Variants in MRPS10 observed in about 807,000 individuals in gnomAD.
The protein encoded by MRPS10 is small ribosomal subunit protein uS10m.
In MRPS10, 23 loss-of-function variants were observed where a neutral mutation model predicts 27.5. That is an observed-to-expected ratio of 0.84 (90% confidence interval 0.60 to 1.18). The LOEUF (loss-of-function observed/expected upper bound fraction) is 1.18, where lower values mean the gene tolerates loss of function less well. Ranked by LOEUF, MRPS10 falls within the 50% of genes most tolerant of loss-of-function variation. The pLI is 0.00. For missense variants in MRPS10, 237 were observed against 240.1 expected (o/e 0.99, Z 0.09); for synonymous variants, 88 against 84.2 (o/e 1.04, Z -0.25).
chr6:42,208,788 T>C (rs1768684673), intron 6 of MRPS10, 70 bp downstream of exon 6: 1 of 1,050,768 alleles, frequency 9.5e-7, no homozygotes, highest in Admixed American at 2.1e-5. Flanking sequence ...CAGGCTGCAA[T>C]GTATCAAAAC....
intron 1 of MRPS10, among the ~76,000 whole-genome samples, chr6:42,216,023 TTTC>T (rs1346201452): frequency 9.3e-4 from 20 of 21,508 alleles, no homozygotes; most frequent in African/African-American, 1.5e-3. Flanking sequence ...TTTTTTTTCT[TTTC>T]TTTTTTTTTT....
chr6:42,216,822 C>T (rs1034733039), intron 1 of MRPS10, among the ~76,000 whole-genome samples: 1 of 152,028 alleles, frequency 6.6e-6, no homozygotes, highest in East Asian at 1.9e-4. Context: ...CAAACAAAAA[C>T]AAAAACAAAA....
chr6:42,209,929 A>G (rs1768729378), intron 5 of MRPS10, among the ~76,000 whole-genome samples: 1 of 152,164 alleles, frequency 6.6e-6, no homozygotes. Context: ...TTTCCATTCT[A>G]ATCCTCACAC....
At chr6:42,211,961 T>C (rs759939273) in intron 3 of MRPS10, 44 bp from the exon 4 acceptor site, 1 of 1,568,072 alleles carries the variant, frequency 6.4e-7, no homozygotes, top group African/African-American at 1.4e-5. Context: ...CCTCTTCTAT[T>C]TCTAACTAGC....
At position 42,208,299 on chromosome 6, in the gene MRPS10, C is replaced by G; in HGVS notation, c.596G>C (p.Ser199Thr). 1.9e-6 allele frequency: 3 copies of G among 1,612,230 alleles called. No individual in the cohort carries two copies. The highest frequency in any genetic ancestry group is 2.5e-6 in the Non-Finnish European group (3 of 1,179,100). ...GGCCTCCCTGAGGCTTTATGACTTG[C>G]TTTCTTCTTTTTCTTCTGATAGTGT... is the stretch of plus-strand genomic sequence containing the variant. ...WETLSEEKEE[S>T]KS Residue 199 changes from serine to threonine, a missense_variant, in exon 7 of 7, where the codon AGC becomes ACC. Physicochemically the swap from Ser to Thr is moderately conservative, Grantham distance 58 (BLOSUM62 1). Coordinates refer to ENST00000053468, the MANE Select transcript of MRPS10 (RefSeq NM_018141.4).
chr6:42,215,900 T>G (rs1473624435), intron 1 of MRPS10, among the ~76,000 whole-genome samples: 1 of 151,910 alleles, frequency 6.6e-6, no homozygotes, highest in Non-Finnish European at 1.5e-5. Context: ...CATAGAAAAT[T>G]CCCTCCCAAC....
rs763994848 is a variant in MRPS10 at position 42,216,383 on chromosome 6, A to AGTGTGTGTGTGTGTGTGTGT, written c.48+1418_48+1419insACACACACACACACACACAC. ...TTGAGAGAGAGAGAGAGAGAGAGAG[A>AGTGTGTGTGTGTGTGTGTGT]GAGTGTGTGTGTGTGTGTGTGTGTG... On this transcript the variant is annotated intron_variant, in intron 1 of 6. Transcript: ENST00000053468. Among the ~76,000 whole-genome samples, 45 of 46,152 alleles carry AGTGTGTGTGTGTGTGTGTGT rather than the reference A, an allele frequency of 9.8e-4. 1 individual carries two copies. The highest frequency in any genetic ancestry group is 1.6e-3 in the Non-Finnish European group (30 of 18,310). The allele number at this position is 46,152 out of a possible 152,430, so 30.3% of individuals were successfully genotyped here.
chr6:42,212,417 G>A (rs1268758334), intron 3 of MRPS10, among the ~76,000 whole-genome samples: 2 of 152,114 alleles, frequency 1.3e-5, no homozygotes, highest in Non-Finnish European at 2.9e-5. Flanking sequence ...AGATTAAAGT[G>A]CTTATTAATT....
chr6:42,210,694 A>T, intron 4 of MRPS10, 98 bp from the exon 5 acceptor site: 1 of 1,474,364 alleles, frequency 6.8e-7, no homozygotes, highest in South Asian at 1.3e-5. Flanking sequence ...ATAGGCATTA[A>T]CTACCATTTA....
At chr6:42,215,656 G>T (rs149562497) in intron 1 of MRPS10, among the ~76,000 whole-genome samples, 2 of 151,966 alleles carry the variant, frequency 1.3e-5, no homozygotes, top group Non-Finnish European at 2.9e-5. Context: ...TGAACTCGTG[G>T]GCTCAAGCGA....
In MRPS10 at chr6:42,211,843, T is replaced by C. The variant is rs1768787687; in HGVS notation, c.261A>G (p.Val87=). ...SVLVKGHDKA[V]LDSYEYFAVL... ...CAGCAAAATATTCATAACTGTCCAA[T>C]ACAGCCTTATCGTGACCTTTCACCA... Residue 87 remains valine (V), a synonymous_variant, in exon 4 of 7, where the codon GTA becomes GTG. Coordinates refer to ENST00000053468, the MANE Select transcript of MRPS10 (RefSeq NM_018141.4). 2 of 1,614,086 alleles carry C rather than the reference T, an allele frequency of 1.2e-6. No homozygotes were observed. The highest frequency in any genetic ancestry group is 2.2e-5 in the East Asian group (1 of 44,882).
intron 4 of MRPS10, 76 bp from the exon 5 acceptor site, chr6:42,210,672 TCA>T: frequency 6.4e-7 from 1 of 1,557,848 alleles, no homozygotes; most frequent in Non-Finnish European, 8.7e-7. Flanking sequence ...TAGGTCAGAC[TCA>T]CACTCAATTA....
intron 1 of MRPS10, 124 bp from the exon 2 acceptor site, chr6:42,214,468 T>G: frequency 1.7e-6 from 1 of 577,828 alleles, no homozygotes; most frequent in Non-Finnish European, 2.8e-6. Context: ...GTAACTAAAA[T>G]GGCCAAATTA....
chr6:42,209,002 T>TG lies in MRPS10; in HGVS notation c.433-56_433-55insC, dbSNP rs1768694344. 5.0e-5 allele frequency: 59 copies of TG among 1,169,654 alleles called. 1 individual carries two copies. The South Asian group carries it at 7.8e-4, about 15-fold the overall frequency. 72.5% of individuals were successfully genotyped at this position (1,169,654 alleles called of 1,614,324 possible). On this transcript the variant is annotated intron_variant, in intron 5 of 6. Transcript: ENST00000053468. ...GTAAGCTGTTTGTTAAAGCACGGTT[T>TG]TTTGTTTTTTTTTTTGAGATGGAGT...
intron 6 of MRPS10, 151 bp downstream of exon 6, chr6:42,208,707 C>T: frequency 1.6e-6 from 1 of 616,290 alleles, no homozygotes; most frequent in Non-Finnish European, 2.8e-6. Context: ...TGGGTAGCCC[C>T]CAACCGCTGT....
chr6:42,213,808 T>A (rs1768846471), intron 3 of MRPS10, among the ~76,000 whole-genome samples: 1 of 152,190 alleles, frequency 6.6e-6, no homozygotes, highest in South Asian at 2.1e-4. Flanking sequence ...AAAATACTTT[T>A]CCATAACATA....
chr6:42,208,446 T>G (rs1383411465), intron 6 of MRPS10, 74 bp from the exon 7 acceptor site: 1 of 1,143,584 alleles, frequency 8.7e-7, no homozygotes, highest in African/African-American at 1.6e-5. Context: ...ACTTATTAAT[T>G]TGGTCAAATC....
intron 3 of MRPS10, among the ~76,000 whole-genome samples, chr6:42,212,588 C>T (rs1267264184): frequency 6.6e-6 from 1 of 152,112 alleles, no homozygotes; most frequent in East Asian, 1.9e-4. Flanking sequence ...CACCCTAATA[C>T]CTAAAGACCT....
chr6:42,211,772 CAT>C lies in MRPS10; in HGVS notation c.323+7_323+8del, dbSNP rs1768783383. ...GCGAACAGGTCGGGTCAGGAAAGGC[CAT>C]ACTCACACTTTAATAGAGATACCAA... On this transcript the variant is annotated splice_region_variant and intron_variant, in intron 4 of 6. Coordinates refer to ENST00000053468, the MANE Select transcript of MRPS10 (RefSeq NM_018141.4). The C allele has an allele frequency of 6.2e-7, 1 of 1,611,092 alleles. No individual in the cohort carries two copies. The highest frequency in any genetic ancestry group is 1.3e-5 in the African/African-American group (1 of 74,708).
Sources: allele counts gnomAD v4.1 joint callset (sites outside exome capture counted in the v4.1 genomes callset), GRCh38; gene constraint gnomAD v4.1.1; transcripts MANE v1.5; gene names NCBI Gene and HGNC (gene_info 2026-07-23, HGNC 2026-07-21).